The following NACC2 variants were observed in gnomAD, a reference collection of about 807,000 sequenced individuals.
NACC2 encodes the protein NACC family member 2.
NACC2 carries 8 observed loss-of-function variants against 25.1 expected under a neutral mutation model. The ratio of observed to expected loss-of-function variants is 0.32; its 90% confidence interval spans 0.19 to 0.57. The LOEUF is 0.57. Among genes scored for constraint, NACC2 ranks in the 20% least tolerant of loss-of-function variants. The probability of loss-of-function intolerance (pLI) is 0.89; values close to 1 mark genes in which losing one functional copy is unlikely to be tolerated. For synonymous variants in NACC2, 435 were observed against 294.7 expected (o/e 1.48, Z -4.88); for missense variants, 644 against 650.2 (o/e 0.99, Z 0.10).
At chr9:136,040,292 C>T (rs1276432527) in intron 2 of NACC2, among the ~76,000 whole-genome samples, 9 of 151,764 alleles carry the variant, frequency 5.9e-5, no homozygotes, top group African/African-American at 1.9e-4. Context: ...TTGCAGTGAG[C>T]CAAGATCACA....
At chr9:136,045,698 C>T (rs1840712532) in intron 2 of NACC2, among the ~76,000 whole-genome samples, 1 of 152,176 alleles carries the variant, frequency 6.6e-6, no homozygotes. Flanking sequence ...TGCCATGCCA[C>T]AGGTGCCCGT....
chr9:136,084,802 G>C lies in NACC2; in HGVS notation c.-60+10387C>G, dbSNP rs1830361496. Among the ~76,000 whole-genome samples the C allele has an allele frequency of 6.6e-6, 1 of 152,246 alleles. No individual in the cohort carries two copies. The highest frequency in any genetic ancestry group is 1.5e-5 in the Non-Finnish European group (1 of 68,050). On this transcript the variant is annotated intron_variant, in intron 1 of 5. Coordinates refer to ENST00000277554, the MANE Select transcript of NACC2 (RefSeq NM_144653.5). The surrounding 1 kb of genome is among the most constrained non-coding windows in gnomAD (Gnocchi z 5.1). ...CTCCCTGCAACCCGGAGGAGCCGTG[G>C]GGAGAGGGTGCGGAGCAAATGAGCC...
intron 2 of NACC2, among the ~76,000 whole-genome samples, chr9:136,034,535 T>A (rs1390560612): frequency 3.3e-5 from 5 of 151,876 alleles, no homozygotes; most frequent in Non-Finnish European, 7.4e-5. Flanking sequence ...AATGAACAAA[T>A]CTAGCACCAA....
rs1188834743 is a variant in NACC2, at chr9:136,018,176, C to T, written c.887-1747G>A. On this transcript the variant is annotated intron_variant, in intron 2 of 5. Transcript: ENST00000277554. The surrounding 1 kb of genome is among the most constrained non-coding windows in gnomAD (Gnocchi z 4.4). ...GACGCTCAGAGGCAGGTGCACCTGGCCATGCTGTCCCTGTTCCCAGTCCCT... is the reference window on the plus strand; with the variant it reads ...GACGCTCAGAGGCAGGTGCACCTGGTCATGCTGTCCCTGTTCCCAGTCCCT... Among the ~76,000 whole-genome samples, 1 of 152,134 alleles carries T rather than the reference C, an allele frequency of 6.6e-6. No homozygotes were observed. The highest frequency in any genetic ancestry group is 1.5e-5 in the Non-Finnish European group (1 of 67,992).
At chr9:136,033,768 A>G (rs1840509088) in intron 2 of NACC2, among the ~76,000 whole-genome samples, 1 of 151,992 alleles carries the variant, frequency 6.6e-6, no homozygotes, top group South Asian at 2.1e-4. Flanking sequence ...GTATGAACCC[A>G]CAATTCTTAA....
intron 1 of NACC2, among the ~76,000 whole-genome samples, chr9:136,080,947 G>A (rs894783158): frequency 2.0e-5 from 3 of 152,178 alleles, no homozygotes; most frequent in African/African-American, 4.8e-5. Context: ...ACAGGCCTGG[G>A]ACAGGTCCAA....
chr9:136,051,112 AGG>A (rs1267555596), intron 1 of NACC2, among the ~76,000 whole-genome samples: 1 of 152,118 alleles, frequency 6.6e-6, no homozygotes, highest in Non-Finnish European at 1.5e-5. Flanking sequence ...AGCCTCGCAG[AGG>A]GCCCCTGCGG....
chr9:136,063,889 A>AAC (rs1554741277), intron 1 of NACC2, among the ~76,000 whole-genome samples: 2 of 151,852 alleles, frequency 1.3e-5, no homozygotes, highest in African/African-American at 4.8e-5. Context: ...ATCTCAAAAA[A>AAC]AAAAAAAACA....
rs1825307320 is a variant in NACC2 at position 136,019,405 on chromosome 9, C to G, written c.887-2976G>C. On this transcript the variant is annotated intron_variant, in intron 2 of 5. Transcript: ENST00000277554. This position sits in a 1 kb window ranked among gnomAD's most constrained non-coding sequence, Gnocchi z 5.2. ...GGTCACACTGAGGTCCCTCCTGAGC[C>G]TGGGTCTCGGGTACTGGGGGACCCG... 2 of 152,218 alleles carry G rather than the reference C, an allele frequency of 1.3e-5. No homozygotes were observed. The highest frequency in any genetic ancestry group is 2.9e-5 in the Non-Finnish European group (2 of 68,070). The allele number at this position is 152,218 out of a possible 1,614,324, so 9.4% of individuals were successfully genotyped here. A position where few individuals can be genotyped will look rare whatever the true frequency, so the allele number is the denominator to read the frequency against.
chr9:136,030,212 C>T (rs1220543307), intron 2 of NACC2, among the ~76,000 whole-genome samples: 1 of 151,498 alleles, frequency 6.6e-6, no homozygotes, highest in African/African-American at 2.4e-5. Context: ...TAGAAATATA[C>T]ACCCCATCCT....
chr9:136,068,781 C>T (rs1841116838), intron 1 of NACC2, among the ~76,000 whole-genome samples: 1 of 151,566 alleles, frequency 6.6e-6, no homozygotes, highest in Admixed American at 6.6e-5. Flanking sequence ...GAGTGGCTCA[C>T]AGGAAGGCAG....
intron 2 of NACC2, among the ~76,000 whole-genome samples, chr9:136,035,479 A>G (rs1840537912): frequency 6.6e-6 from 1 of 152,232 alleles, no homozygotes; most frequent in Non-Finnish European, 1.5e-5. Context: ...CAAAAAAGAT[A>G]GAGGCTGAGA....
Position 136,050,441 on chromosome 9 carries a change from G to A in NACC2, c.81C>T (p.Gly27=), listed in dbSNP as rs1474786972. The A allele has an allele frequency of 2.6e-6, 2 of 766,548 alleles. No individual in the cohort carries two copies. The highest frequency in any genetic ancestry group is 1.3e-5 in the South Asian group (1 of 74,302). 47.5% of individuals were successfully genotyped at this position (766,548 alleles called of 1,614,324 possible). A position where few individuals can be genotyped will look rare whatever the true frequency, so the allele number is the denominator to read the frequency against. The part of the protein sequence containing the change: ...LGCLNEQRLL[G]LYCDVSIVVK... ...CCACGATGGACACATCGCAGTAGAG[G>A]CCCAGCAGGCGCTGCTCGTTCAGGC... The change falls in exon 2 of 6, where the codon GGC becomes GGT. Residue 27 remains glycine (G), a synonymous_variant. Transcript: ENST00000277554.
chr9:136,046,787 C>T (rs1351458317), intron 2 of NACC2, among the ~76,000 whole-genome samples: 1 of 152,164 alleles, frequency 6.6e-6, no homozygotes, highest in Non-Finnish European at 1.5e-5. Context: ...AGGAGAGGCA[C>T]GAGACAGACA....
intron 1 of NACC2, among the ~76,000 whole-genome samples, chr9:136,088,551 T>G (rs1225930652): frequency 6.6e-6 from 1 of 152,058 alleles, no homozygotes; most frequent in Non-Finnish European, 1.5e-5. Flanking sequence ...CACTTGGGGC[T>G]CGTGGGGACC....
Position 136,081,315 on chromosome 9 carries a change from C to G in NACC2, c.-60+13874G>C, listed in dbSNP as rs565703272. Among the ~76,000 whole-genome samples the G allele has an allele frequency of 7.7e-4, 118 of 152,274 alleles. 1 individual carries two copies. The highest frequency in any genetic ancestry group is 1.2e-3 in the Non-Finnish European group (85 of 68,012). On this transcript the variant is annotated intron_variant, in intron 1 of 5. Transcript: ENST00000277554. ...TGAACTGTAGAGTAACCGGAACGAC[C>G]TGCACACCACACACCCCCAACCAAG...
chr9:136,037,485 T>C (rs538805571), intron 2 of NACC2, among the ~76,000 whole-genome samples: 77 of 151,422 alleles, frequency 5.1e-4, no homozygotes, highest in Non-Finnish European at 9.6e-4. Flanking sequence ...CATGTGCATA[T>C]GTGATTTTGT....
intron 2 of NACC2, among the ~76,000 whole-genome samples, chr9:136,028,298 G>C (rs1840423868): frequency 6.6e-6 from 1 of 152,012 alleles, no homozygotes; most frequent in Non-Finnish European, 1.5e-5. Context: ...ACTTCTGCTG[G>C]GAGGGCCAGA....
rs1840846228 is a variant in NACC2, at chr9:136,051,875, C to CG, written c.-59-1296_-59-1295insC. 5.8e-3 allele frequency among the ~76,000 whole-genome samples: 613 copies of CG among 105,238 alleles called. 5 individuals are homozygous for CG. The highest frequency in any genetic ancestry group is 0.033 in the African/African-American group (563 of 17,300). 69.0% of individuals were successfully genotyped at this position (105,238 alleles called of 152,430 possible). A position where few individuals can be genotyped will look rare whatever the true frequency, so the allele number is the denominator to read the frequency against. On this transcript the variant is annotated intron_variant, in intron 1 of 5. Transcript: ENST00000277554. ...GGGCGGGGAGGGCGCAGGGAGCCGG[C>CG]AAGGAGGAGGAGGAGGAGGAGGAGG...
Sources: gnomAD v4.1 joint callset for allele counts (sites outside exome capture counted in the v4.1 genomes callset) on GRCh38, gnomAD v4.1.1 for gene constraint, Gnocchi (gnomAD v3.1) non-coding constraint, MANE v1.5 for transcripts, NCBI Gene and HGNC (gene_info 2026-07-23, HGNC 2026-07-21) for gene names.